ELOA: variants seen among roughly 807,000 people sequenced by gnomAD.
The protein encoded by ELOA is elongin A, also known as elongin-A.
ELOA carries 15 observed loss-of-function variants against 85.2 expected under a neutral mutation model. That is an observed-to-expected ratio of 0.18 (90% CI 0.12 to 0.27). The LOEUF (loss-of-function observed/expected upper bound fraction) is 0.27. Among genes scored for constraint, ELOA ranks in the 10% least tolerant of loss-of-function variants. The probability of loss-of-function intolerance (pLI) is 1.00; values close to 1 mark genes in which losing one functional copy is unlikely to be tolerated. For synonymous variants in ELOA, 348 were observed against 357.2 expected (o/e 0.97, Z 0.29); for missense variants, 769 against 952.7 (o/e 0.81, Z 2.54).
chr1:23,751,661 A>G lies in ELOA; in HGVS notation c.1056A>G (p.Lys352=). The G allele has an allele frequency of 6.2e-7, 1 of 1,614,210 alleles. No individual in the cohort carries two copies. The highest frequency in any genetic ancestry group is 8.5e-7 in the Non-Finnish European group (1 of 1,180,034). Residue 352 remains lysine (K), a synonymous_variant, in exon 4 of 11, where the codon AAA becomes AAG. Coordinates refer to ENST00000613537, the MANE Select transcript of ELOA (RefSeq NM_003198.3). ...GTCTGGACAGCTTTGACACAGGAAA[A>G]GGAGCAGGAGACCTGTTGCCCAAGG... is the stretch of plus-strand genomic sequence containing the variant. ...KQGLDSFDTG[K]GAGDLLPKVK...
At position 23,756,005 on chromosome 1, in the gene ELOA, C is replaced by T. The variant is rs757072300; in HGVS notation, c.1954C>T (p.His652Tyr). The part of the protein sequence containing the change: ...RVLTKNIQFA[H>Y]ANKPKGRQAK... ...ACTAACAAAGAATATCCAGTTCGCA[C>T]ATGCCAATAAGCCCAAAGGTAACAG... The change falls in exon 8 of 11, where the codon CAT becomes TAT. Residue 652 changes from histidine to tyrosine, a missense_variant. His to Tyr is a moderately conservative substitution (Grantham distance 83). This residue lies in a region of ELOA where 20 missense variants were observed against 58.8 expected (regional missense o/e 0.34). Coordinates refer to ENST00000613537, the MANE Select transcript of ELOA (RefSeq NM_003198.3). 1 of 1,613,032 alleles carries T rather than the reference C, an allele frequency of 6.2e-7. No individual in the cohort carries two copies.
chr1:23,745,397 A>T lies in ELOA; in HGVS notation c.75+1819A>T, dbSNP rs777956402. Among the ~76,000 whole-genome samples the T allele has an allele frequency of 3.4e-5, 5 of 148,960 alleles. No homozygotes were observed. The South Asian group carries it at 1.1e-3, about 31-fold the overall frequency. On this transcript the variant is annotated intron_variant, in intron 1 of 10. Coordinates refer to ENST00000613537, the MANE Select transcript of ELOA (RefSeq NM_003198.3). ...AATGTTCTATGTAGTGTCTACAGTCATTTTTTTTTTAACTAGAATTTAGAT... is the reference window on the plus strand; with the variant it reads ...AATGTTCTATGTAGTGTCTACAGTCTTTTTTTTTTTAACTAGAATTTAGAT...
chr1:23,758,069 T>A (rs1638226332), intron 10 of ELOA, among the ~76,000 whole-genome samples: 1 of 151,550 alleles, frequency 6.6e-6, no homozygotes, highest in African/African-American at 2.4e-5. Context: ...TCATTGTGAA[T>A]GACCATTTTG....
intron 1 of ELOA, among the ~76,000 whole-genome samples, chr1:23,743,797 C>A (rs1644734029): frequency 6.6e-6 from 1 of 152,112 alleles, no homozygotes. Context: ...CCCTCCCTCA[C>A]GGGCCCGGGA....
intron 1 of ELOA, among the ~76,000 whole-genome samples, chr1:23,747,878 C>A (rs1644753530): frequency 6.6e-6 from 1 of 152,118 alleles, no homozygotes; most frequent in Non-Finnish European, 1.5e-5. Flanking sequence ...TATGGCATAC[C>A]AATTATAGTC....
intron 1 of ELOA, among the ~76,000 whole-genome samples, chr1:23,744,655 C>T (rs781159624): frequency 6.6e-6 from 1 of 151,936 alleles, no homozygotes; most frequent in Non-Finnish European, 1.5e-5. Context: ...GTTTCACCAT[C>T]TTGGCCAGGC....
chr1:23,756,907 C>T lies in ELOA; in HGVS notation c.2085-46C>T, dbSNP rs368265938. ...AGCTTCAGGCTGTTCATGCTCAGGG[C>T]AGATTTCTTGTGCTCATGCCTAACC... is the stretch of plus-strand genomic sequence containing the variant. On this transcript the variant is annotated intron_variant, in intron 9 of 10. Coordinates refer to ENST00000613537, the MANE Select transcript of ELOA (RefSeq NM_003198.3). 33 of 1,439,010 alleles carry T rather than the reference C, an allele frequency of 2.3e-5. No individual in the cohort carries two copies. In the East Asian group the frequency reaches 6.8e-4, roughly 30 times the overall value. The allele number at this position is 1,439,010 out of a possible 1,614,324, so 89.1% of individuals were successfully genotyped here.
At chr1:23,744,591 T>C (rs898482908) in intron 1 of ELOA, among the ~76,000 whole-genome samples, 19 of 152,212 alleles carry the variant, frequency 1.2e-4, no homozygotes, top group African/African-American at 4.3e-4. Flanking sequence ...TAGCTGGTAT[T>C]GTAGGCGCCC....
rs150739752 is a variant in ELOA at position 23,757,005 on chromosome 1, A to G, written c.2137A>G (p.Ile713Val). Residue 713 changes from isoleucine to valine, a missense_variant, in exon 10 of 11, where the codon ATC becomes GTC. Physicochemically the swap from Ile to Val is conservative, Grantham distance 29. This residue lies in a region of ELOA where 116 missense variants were observed against 141.0 expected (regional missense o/e 0.82). Transcript: ENST00000613537. ...MGSSHASASS[I>V]SFNPSPEEPA... is the part of the protein sequence containing the mutation. Reference sequence around the variant, plus strand: ...AAGCAGCCATGCTTCCGCCAGTAGCATCAGCTTTAACCCCAGCCCTGAGGA... The same window carrying G: ...AAGCAGCCATGCTTCCGCCAGTAGCGTCAGCTTTAACCCCAGCCCTGAGGA... The G allele has an allele frequency of 4.5e-5, 72 of 1,602,116 alleles. No homozygotes were observed. The African/African-American group carries it at 9.2e-4, about 20-fold the overall frequency.
intron 7 of ELOA, among the ~76,000 whole-genome samples, chr1:23,755,032 G>A (rs918751667): frequency 6.6e-6 from 1 of 151,632 alleles, no homozygotes; most frequent in African/African-American, 2.4e-5. Flanking sequence ...GAACTCCTGG[G>A]CTTAAGTGAT....
intron 5 of ELOA, 125 bp from the exon 6 acceptor site, chr1:23,753,974 TG>T: frequency 1.7e-6 from 2 of 1,197,482 alleles, no homozygotes; most frequent in African/African-American, 1.5e-5. Flanking sequence ...TTAAATTCTC[TG>T]GAAGGATCTA....
chr1:23,748,369 A>G (rs2124457651), intron 1 of ELOA, among the ~76,000 whole-genome samples: 1 of 152,320 alleles, frequency 6.6e-6, no homozygotes, highest in South Asian at 2.1e-4. Context: ...CCATCTTAAC[A>G]GCTCTGCTGT....
At chr1:23,750,798 A>C in intron 3 of ELOA, 47 bp from the exon 4 acceptor site, 1 of 1,495,230 alleles carries the variant, frequency 6.7e-7, no homozygotes, top group Non-Finnish European at 8.9e-7. Flanking sequence ...TTGTCCCTCA[A>C]GAAGCAAGAT....
intron 7 of ELOA, 58 bp from the exon 8 acceptor site, chr1:23,755,785 A>G: frequency 6.6e-7 from 1 of 1,524,212 alleles, no homozygotes; most frequent in Non-Finnish European, 8.8e-7. Flanking sequence ...GTCTCAAAAA[A>G]AAAAAAAAAA....
chr1:23,747,238 T>A (rs1200413472), intron 1 of ELOA, among the ~76,000 whole-genome samples: 1 of 152,236 alleles, frequency 6.6e-6, no homozygotes, highest in African/African-American at 2.4e-5. Flanking sequence ...CTTGCAAGTA[T>A]GCTAAGAAGT....
intron 10 of ELOA, among the ~76,000 whole-genome samples, chr1:23,758,255 A>ATTTTTTTTTTTTTTATTTTTTTT (rs1638235539): frequency 2.8e-5 from 1 of 36,220 alleles, no homozygotes; most frequent in African/African-American, 1.5e-4. Context: ...CAATTTATTT[A>ATTTTTTTTTTTTTTATTTTTTTT]TTTATTTTTT....
intron 10 of ELOA, among the ~76,000 whole-genome samples, chr1:23,757,559 C>T (rs950302611): frequency 1.3e-5 from 2 of 152,124 alleles, no homozygotes; most frequent in Non-Finnish European, 2.9e-5. Context: ...AGTGCAGTGG[C>T]ACAATCTCAG....
At position 23,760,992 on chromosome 1, in the gene ELOA, G is replaced by A. The variant is rs1235284410; in HGVS notation, c.*1419G>A. ...GACAAGCAGACTGAAGGGATGGTAA[G>A]TGTGACAGCCTGATAAGTTTTCTCA... On this transcript the variant is annotated 3_prime_UTR_variant, in exon 11 of 11. Transcript: ENST00000613537. The A allele has an allele frequency of 6.6e-6, 1 of 152,190 alleles. No homozygotes were observed. Among genetic ancestry groups the A allele is most frequent in the Non-Finnish European group, 1.5e-5 (1 of 68,046 alleles). 9.4% of individuals were successfully genotyped at this position (152,190 alleles called of 1,614,324 possible).
At chr1:23,758,247 ATTTATTTATTTATTTT>A (rs1638234136) in intron 10 of ELOA, among the ~76,000 whole-genome samples, 6 of 56,788 alleles carry the variant, frequency 1.1e-4, no homozygotes, top group East Asian at 1.4e-3. Flanking sequence ...GGGTCTTCCA[ATTTATTTATTTATTTT>A]TTTTTTTTTT....
Sources: allele counts gnomAD v4.1 joint callset (sites outside exome capture counted in the v4.1 genomes callset), GRCh38; gene constraint gnomAD v4.1.1; regional missense constraint gnomAD v4.1.1; transcripts MANE v1.5; gene names NCBI Gene and HGNC (gene_info 2026-07-23, HGNC 2026-07-21).